SEMA6D: variants seen among roughly 807,000 people sequenced by gnomAD.
SEMA6D encodes the protein semaphorin-6D.
SEMA6D carries 35 observed loss-of-function variants against 106.6 expected under a neutral mutation model. The ratio of observed to expected loss-of-function variants is 0.33; its 90% CI spans 0.25 to 0.44. The LOEUF (loss-of-function observed/expected upper bound fraction) is 0.44. Ranked by LOEUF, SEMA6D falls within the 20% of genes least tolerant of loss-of-function variation. SEMA6D has a pLI of 1.00. For synonymous variants in SEMA6D, 499 were observed against 487.7 expected, an observed-to-expected ratio of 1.02 and a Z score of -0.31; for missense variants, 1,185 against 1,345.9, an observed-to-expected ratio of 0.88 and a Z score of 1.87.
chr15:47,632,457 G>A (rs931144897), intron 4 of SEMA6D, among the ~76,000 whole-genome samples: 3 of 148,646 alleles, frequency 2.0e-5, no homozygotes, highest in Admixed American at 6.8e-5. Flanking sequence ...AGCTTTCAGT[G>A]GTTGGCTCAT....
chr15:47,343,718 C>T (rs1334198556), intron 1 of SEMA6D, among the ~76,000 whole-genome samples: 2 of 152,048 alleles, frequency 1.3e-5, no homozygotes, highest in East Asian at 1.9e-4. Flanking sequence ...AATAAACATA[C>T]GTGTGTGTGT....
intron 1 of SEMA6D, among the ~76,000 whole-genome samples, chr15:47,747,977 C>T (rs2081237116): frequency 6.6e-6 from 1 of 152,222 alleles, no homozygotes; most frequent in Admixed American, 6.5e-5. Context: ...CAGGAATAGC[C>T]TGCTTTCCTT....
At chr15:47,718,644 C>A (rs983934045) in intron 1 of SEMA6D, 1 of 152,422 alleles carries the variant, frequency 6.6e-6, no homozygotes, top group Non-Finnish European at 1.5e-5. Context: ...GCTTTGTTCC[C>A]CGACTGGAAA....
chr15:47,563,500 A>G (rs1566893016), intron 3 of SEMA6D, among the ~76,000 whole-genome samples: 2 of 151,972 alleles, frequency 1.3e-5, no homozygotes, highest in Middle Eastern at 3.2e-3. Context: ...CCCATCTCCA[A>G]TCCTATGCTT....
intron 1 of SEMA6D, among the ~76,000 whole-genome samples, chr15:47,302,854 G>A (rs903969966): frequency 2.6e-5 from 4 of 152,128 alleles, no homozygotes; most frequent in African/African-American, 4.8e-5. Context: ...TTATACTTCT[G>A]AACTACAGAG....
At chr15:47,654,714 C>T (rs1426750564) in intron 4 of SEMA6D, among the ~76,000 whole-genome samples, 1 of 152,182 alleles carries the variant, frequency 6.6e-6, no homozygotes, top group Non-Finnish European at 1.5e-5. Context: ...GGCTCCTCCC[C>T]CCACTGCCTT....
intron 1 of SEMA6D, among the ~76,000 whole-genome samples, chr15:47,734,284 A>G (rs1382978843): frequency 6.6e-6 from 1 of 152,186 alleles, no homozygotes; most frequent in South Asian, 2.1e-4. Flanking sequence ...TTCAGTGTTC[A>G]CAGAGCTTTT....
chr15:47,242,959 A>C (rs912174979), intron 1 of SEMA6D, among the ~76,000 whole-genome samples: 1 of 152,146 alleles, frequency 6.6e-6, no homozygotes, highest in African/African-American at 2.4e-5. Context: ...GCTGTTGATC[A>C]TAGGTTGTTT....
intron 3 of SEMA6D, among the ~76,000 whole-genome samples, chr15:47,480,308 AT>A (rs1178930050): frequency 6.6e-6 from 1 of 151,964 alleles, no homozygotes; most frequent in African/African-American, 2.4e-5. Context: ...CTCCTATCTA[AT>A]GGGTAACTCT....
At chr15:47,729,464 A>T (rs1206493847) in intron 1 of SEMA6D, among the ~76,000 whole-genome samples, 1 of 152,190 alleles carries the variant, frequency 6.6e-6, no homozygotes, top group African/African-American at 2.4e-5. Flanking sequence ...GTCTATAGGA[A>T]TGTGTTTTAA....
chr15:47,532,955 T>A (rs2045024744), intron 3 of SEMA6D, among the ~76,000 whole-genome samples: 1 of 151,736 alleles, frequency 6.6e-6, no homozygotes. Context: ...AATTGTTTGA[T>A]GATATTGATG....
chr15:47,431,845 G>A (rs184154489), intron 2 of SEMA6D, among the ~76,000 whole-genome samples: 130 of 152,156 alleles, frequency 8.5e-4, no homozygotes, highest in African/African-American at 2.9e-3. Context: ...ATATCTTAGT[G>A]TTTCTGTTGA....
intron 2 of SEMA6D, among the ~76,000 whole-genome samples, chr15:47,413,424 A>G (rs988465268): frequency 2.0e-5 from 3 of 152,146 alleles, no homozygotes; most frequent in African/African-American, 4.8e-5. Flanking sequence ...TCATGGAGTG[A>G]GACTATATTT....
chr15:47,706,579 C>T (rs2078916255), intron 4 of SEMA6D, among the ~76,000 whole-genome samples: 1 of 152,094 alleles, frequency 6.6e-6, no homozygotes, highest in Admixed American at 6.5e-5. Context: ...ATGTAAGTAC[C>T]TACAGTTCGC....
intron 4 of SEMA6D, among the ~76,000 whole-genome samples, chr15:47,604,756 G>A (rs1239492502): frequency 3.3e-5 from 5 of 152,066 alleles, no homozygotes; most frequent in South Asian, 4.1e-4. Flanking sequence ...GAGTGCAGTG[G>A]CATGATCTTG....
chr15:47,247,276 G>T (rs1198876171), intron 1 of SEMA6D, among the ~76,000 whole-genome samples: 1 of 152,158 alleles, frequency 6.6e-6, no homozygotes, highest in African/African-American at 2.4e-5. Context: ...GGTATTTCAT[G>T]CAGGTTATTT....
At chr15:47,535,201 A>C (rs1001268039) in intron 3 of SEMA6D, among the ~76,000 whole-genome samples, 3 of 152,150 alleles carry the variant, frequency 2.0e-5, no homozygotes, top group African/African-American at 7.2e-5. Flanking sequence ...TGAGGGATTG[A>C]GCTTATGCTT....
intron 2 of SEMA6D, among the ~76,000 whole-genome samples, chr15:47,462,423 A>T (rs2042542060): frequency 6.6e-6 from 1 of 151,886 alleles, no homozygotes; most frequent in Admixed American, 6.6e-5. Flanking sequence ...ATCCCAAATG[A>T]CCCATCTCGG....
At chr15:47,611,887 G>A (rs1041496505) in intron 4 of SEMA6D, among the ~76,000 whole-genome samples, 6 of 152,166 alleles carry the variant, frequency 3.9e-5, no homozygotes, top group South Asian at 2.1e-4. Context: ...GCCAGTGCCC[G>A]ATGGAAAATA....
Sources: allele counts gnomAD v4.1 joint callset (sites outside exome capture counted in the v4.1 genomes callset), GRCh38; gene constraint gnomAD v4.1.1; transcripts MANE v1.5; gene names NCBI Gene and HGNC (gene_info 2026-07-23, HGNC 2026-07-21).